The following RABGAP1 variants were observed in gnomAD, a reference collection of about 807,000 sequenced individuals.
The protein encoded by RABGAP1 is rab GTPase-activating protein 1.
A neutral mutation model predicts 137.6 loss-of-function variants in RABGAP1; 23 were observed. The ratio of observed to expected loss-of-function variants is 0.17; its 90% CI spans 0.12 to 0.24. The LOEUF (loss-of-function observed/expected upper bound fraction) is 0.24, where lower values mean the gene tolerates loss of function less well. RABGAP1 is among the 10% of genes least tolerant of loss of function. RABGAP1 has a pLI of 1.00. For synonymous variants in RABGAP1, 451 were observed against 450.7 expected (o/e 1.00, Z -0.01); for missense variants, 906 against 1,275.8 (o/e 0.71, Z 4.42).
intron 10 of RABGAP1, among the ~76,000 whole-genome samples, chr9:123,002,780 A>G (rs1285968431): frequency 6.6e-6 from 1 of 152,160 alleles, no homozygotes; most frequent in Non-Finnish European, 1.5e-5. Context: ...AGTTAGGCTA[A>G]AAAATGACTT....
chr9:123,090,167 T>A (rs1386590418), intron 20 of RABGAP1, 108 bp from the exon 21 acceptor site: 8 of 816,144 alleles, frequency 9.8e-6, no homozygotes, highest in Non-Finnish European at 1.5e-5. Context: ...GCCATTTCTC[T>A]TATTGTTTCC....
At chr9:123,067,784 A>G (rs1227604177) in intron 14 of RABGAP1, among the ~76,000 whole-genome samples, 3 of 152,376 alleles carry the variant, frequency 2.0e-5, no homozygotes, top group Non-Finnish European at 2.9e-5. Context: ...TACAGCCAAC[A>G]TGAAACTTAT....
At chr9:123,061,416 G>A (rs148220101) in intron 13 of RABGAP1, among the ~76,000 whole-genome samples, 192 of 152,302 alleles carry the variant, frequency 1.3e-3, no homozygotes, top group African/African-American at 4.2e-3. Flanking sequence ...CGCCTGGCAT[G>A]CGCTTGCTTT....
At chr9:123,018,529 GTTTA>G (rs1261523182) in intron 12 of RABGAP1, among the ~76,000 whole-genome samples, 1 of 152,202 alleles carries the variant, frequency 6.6e-6, no homozygotes, top group Non-Finnish European at 1.5e-5. Flanking sequence ...TTCAGTAAAA[GTTTA>G]TTTATGAGAA....
intron 25 of RABGAP1, among the ~76,000 whole-genome samples, chr9:123,102,323 A>G (rs141816814): frequency 8.5e-5 from 13 of 152,284 alleles, no homozygotes; most frequent in African/African-American, 3.1e-4. Context: ...CTTAATACAC[A>G]TTGCTAGGTC....
chr9:122,989,760 A>G (rs1330297496), intron 5 of RABGAP1: 4 of 516,364 alleles, frequency 7.7e-6, no homozygotes, highest in Non-Finnish European at 1.4e-5. Context: ...CATTCTTTTA[A>G]ATCAAAACTT....
intron 13 of RABGAP1, chr9:123,035,246 A>G (rs765425131): frequency 1.2e-6 from 2 of 1,614,082 alleles, no homozygotes; most frequent in African/African-American, 2.7e-5. Flanking sequence ...GATATCAGCG[A>G]AAGGCAAGCC....
upstream of RABGAP1, chr9:122,939,408 G>A (rs1466279210): frequency 2.0e-5 from 3 of 152,028 alleles, no homozygotes; most frequent in Non-Finnish European, 4.4e-5. Flanking sequence ...CTAGGCTCAA[G>A]CCATCCTCCC....
intron 5 of RABGAP1, 89 bp downstream of exon 5, chr9:122,989,560 T>G (rs1836555210): frequency 7.4e-7 from 1 of 1,353,502 alleles, no homozygotes; most frequent in East Asian, 2.4e-5. Flanking sequence ...TTATGATCAC[T>G]CATAAGCCAG....
chr9:123,097,998 A>G (rs559524941), intron 22 of RABGAP1, among the ~76,000 whole-genome samples, 153 bp downstream of exon 22: 44 of 152,284 alleles, frequency 2.9e-4, no homozygotes, highest in Admixed American at 5.2e-4. Flanking sequence ...GTAAAGTCCA[A>G]TGGTTCCTAA....
At chr9:123,097,563 C>G (rs2035220443) in intron 21 of RABGAP1, among the ~76,000 whole-genome samples, 178 bp from the exon 22 acceptor site, 1 of 152,190 alleles carries the variant, frequency 6.6e-6, no homozygotes, top group South Asian at 2.1e-4. Context: ...TACCTCTGAG[C>G]AAGAGACTGG....
At chr9:122,989,222 C>A in intron 4 of RABGAP1, 75 bp from the exon 5 acceptor site, 1 of 1,325,760 alleles carries the variant, frequency 7.5e-7, no homozygotes, top group Non-Finnish European at 1.1e-6. Flanking sequence ...AAGAATGAGT[C>A]TCACATCTTA....
chr9:123,100,384 TGTGTGTGTG>T (rs940104310), intron 24 of RABGAP1, among the ~76,000 whole-genome samples: 1 of 1,870 alleles, frequency 5.3e-4, no homozygotes, highest in African/African-American at 9.7e-4. Context: ...TTTAACCAGA[TGTGTGTGTG>T]TGTGTGTGTG....
chr9:123,073,448 G>T (rs547183733), intron 15 of RABGAP1, 104 bp from the exon 16 acceptor site: 2 of 1,413,872 alleles, frequency 1.4e-6, no homozygotes, highest in South Asian at 2.8e-5. Context: ...TTTCTGGTAA[G>T]GCAATAATAT....
intron 12 of RABGAP1, among the ~76,000 whole-genome samples, chr9:123,016,972 A>T (rs2031278287): frequency 6.6e-6 from 1 of 152,168 alleles, no homozygotes; most frequent in Non-Finnish European, 1.5e-5. Flanking sequence ...AAAAAAGCAA[A>T]CCAAAGCACG....
chr9:122,996,523 A>C lies in RABGAP1; in HGVS notation c.1035-16A>C. ...TTATCTTTTTTCTTAAATTTATGTCAGTTCTTTTTTTGTAGGTGTTTTGGT... is the reference window on the plus strand; with the variant it reads ...TTATCTTTTTTCTTAAATTTATGTCCGTTCTTTTTTTGTAGGTGTTTTGGT... On this transcript the variant is annotated splice_polypyrimidine_tract_variant and intron_variant, in intron 7 of 25. Coordinates refer to ENST00000373647, the MANE Select transcript of RABGAP1 (RefSeq NM_012197.4). 6.3e-7 allele frequency: 1 copy of C among 1,591,826 alleles called. No individual in the cohort carries two copies. The highest frequency in any genetic ancestry group is 2.2e-5 in the East Asian group (1 of 44,538).
At chr9:123,041,475 G>A (rs2032949807) in intron 13 of RABGAP1, among the ~76,000 whole-genome samples, 1 of 152,192 alleles carries the variant, frequency 6.6e-6, no homozygotes. Flanking sequence ...CCAATTCTTT[G>A]ACTCTAAAGC....
intron 6 of RABGAP1, among the ~76,000 whole-genome samples, chr9:122,991,557 A>G (rs919787205): frequency 1.4e-5 from 2 of 145,602 alleles, no homozygotes; most frequent in African/African-American, 2.5e-5. Context: ...AGTATGACTC[A>G]TTGTGCTCTA....
intron 24 of RABGAP1, 32 bp from the exon 25 acceptor site, chr9:123,101,534 T>TTTGCCTCTTCA: frequency 6.3e-7 from 1 of 1,599,028 alleles, no homozygotes; most frequent in Non-Finnish European, 8.5e-7. Context: ...GTTCCTCTTC[T>TTTGCCTCTTCA]TTGCCTCTTC....
Sources: allele counts gnomAD v4.1 joint callset (sites outside exome capture counted in the v4.1 genomes callset), GRCh38; gene constraint gnomAD v4.1.1; transcripts MANE v1.5; gene names NCBI Gene and HGNC (gene_info 2026-07-23, HGNC 2026-07-21).